The following CDC42BPA variants were observed in gnomAD, a reference collection of about 807,000 sequenced individuals.
The protein encoded by CDC42BPA is serine/threonine-protein kinase MRCK alpha.
Under a neutral mutation model 223.5 loss-of-function variants are expected in CDC42BPA, and 80 were observed. The ratio of observed to expected loss-of-function variants is 0.36; its 90% CI spans 0.30 to 0.43. CDC42BPA has a LOEUF of 0.43. Ranked by LOEUF, CDC42BPA falls within the 20% of genes least tolerant of loss-of-function variation. The pLI, the probability that CDC42BPA is intolerant of heterozygous loss-of-function variation, is 1.00. For synonymous variants in CDC42BPA, 694 were observed against 718.6 expected, an observed-to-expected ratio of 0.97 and a Z score of 0.55; for missense variants, 1,743 against 2,099.9, an observed-to-expected ratio of 0.83 and a Z score of 3.32.
At chr1:227,057,619 CT>C (rs759230616) in intron 21 of CDC42BPA, among the ~76,000 whole-genome samples, 1 of 152,024 alleles carries the variant, frequency 6.6e-6, no homozygotes, top group Non-Finnish European at 1.5e-5. Flanking sequence ...CAGTGGCTGA[CT>C]TTTTTTGTGA....
At position 227,114,244 on chromosome 1, in the gene CDC42BPA, C is replaced by T. The variant is rs181577799; in HGVS notation, c.1648-1331G>A. ...ACCTATTCCCCATCCTCAAATAAGG[C>T]GGGGAGGAGGAAAATTAGACTAAGA... On this transcript the variant is annotated intron_variant, in intron 12 of 36. Coordinates refer to ENST00000366766, the MANE Select transcript of CDC42BPA (RefSeq NM_001394014.1). 1.5e-4 allele frequency among the ~76,000 whole-genome samples: 23 copies of T among 151,740 alleles called. 1 individual carries two copies. Among genetic ancestry groups the T allele is most frequent in the South Asian group, 4.2e-4 (2 of 4,790 alleles).
intron 14 of CDC42BPA, among the ~76,000 whole-genome samples, 173 bp from the exon 15 acceptor site, chr1:227,101,412 AT>A (rs35736619): frequency 0.15 from 23,474 of 152,048 alleles, 2,196 homozygotes; most frequent in African/African-American, 0.25. Context: ...TATTGCAAAT[AT>A]TTTCCTCAGT....
At chr1:227,306,680 T>C (rs551933138) in intron 1 of CDC42BPA, among the ~76,000 whole-genome samples, 2 of 152,350 alleles carry the variant, frequency 1.3e-5, no homozygotes, top group African/African-American at 2.4e-5. Flanking sequence ...CTTCACTACA[T>C]ACCCGAACTT....
In CDC42BPA at chr1:227,080,876, T is replaced by C. The variant is rs757234967; in HGVS notation, c.2480+17A>G. On this transcript the variant is annotated intron_variant, in intron 17 of 36. Coordinates refer to ENST00000366766, the MANE Select transcript of CDC42BPA (RefSeq NM_001394014.1). ...ACTCACAATCATCCACAAAAAAACG[T>C]TTAAAAGAGCACTCACCACTGAATT... The C allele has an allele frequency of 6.2e-7, 1 of 1,612,834 alleles. No homozygotes were observed. Among genetic ancestry groups the C allele is most frequent in the South Asian group, 1.1e-5 (1 of 91,050 alleles).
chr1:227,310,735 G>A (rs1243231631), intron 1 of CDC42BPA, among the ~76,000 whole-genome samples: 6 of 148,192 alleles, frequency 4.0e-5, no homozygotes. Context: ...CGCCCAGACT[G>A]GAGTGCAGTG....
rs200154961 is a variant in CDC42BPA, at chr1:227,073,983, C to T, written c.2616G>A (p.Ala872=). The change falls in exon 19 of 37, where the codon GCG becomes GCA. Residue 872 remains alanine, a synonymous_variant. Transcript: ENST00000366766. ...CCAGTCTAGCTGACATATCCAGTTT[C>T]GCAAAACGACGCATTTTCCAGGGCA... ...TDMPWKMRRF[A]KLDMSARLEL... is the part of the protein sequence containing the mutation. 1.9e-5 allele frequency: 31 copies of T among 1,611,972 alleles called. No individual in the cohort carries two copies. The highest frequency in any genetic ancestry group is 1.5e-4 in the Admixed American group (9 of 59,426).
intron 21 of CDC42BPA, chr1:227,059,407 G>T: frequency 6.4e-7 from 1 of 1,562,898 alleles, no homozygotes; most frequent in African/African-American, 1.4e-5. Context: ...ACAGGATGGA[G>T]AGCGCTTCAA....
At chr1:227,067,443 A>C (rs994550818) in intron 21 of CDC42BPA, among the ~76,000 whole-genome samples, 1 of 152,232 alleles carries the variant, frequency 6.6e-6, no homozygotes, top group Non-Finnish European at 1.5e-5. Flanking sequence ...TGGAAAGAAC[A>C]ACCAAAATAA....
At chr1:227,107,711 T>C (rs1425104799) in intron 14 of CDC42BPA, among the ~76,000 whole-genome samples, 1 of 151,984 alleles carries the variant, frequency 6.6e-6, no homozygotes, top group Non-Finnish European at 1.5e-5. Context: ...TGGAGTGGGG[T>C]TGTGGAGTGC....
At chr1:227,254,628 G>T (rs1340072066) in intron 1 of CDC42BPA, among the ~76,000 whole-genome samples, 1 of 152,142 alleles carries the variant, frequency 6.6e-6, no homozygotes, top group East Asian at 1.9e-4. Context: ...ACAAAGCATG[G>T]TGGCAATGAC....
chr1:227,152,593 T>C (rs1661994938), intron 6 of CDC42BPA, among the ~76,000 whole-genome samples: 1 of 152,024 alleles, frequency 6.6e-6, no homozygotes, highest in East Asian at 1.9e-4. Flanking sequence ...CTAAACTTGA[T>C]CAAGTCAACA....
chr1:227,191,943 A>C, intron 5 of CDC42BPA, among the ~76,000 whole-genome samples: 1 of 143,086 alleles, frequency 7.0e-6, no homozygotes, highest in East Asian at 2.0e-4. Flanking sequence ...ACACAGTGAG[A>C]CCCCCATCTC....
intron 21 of CDC42BPA, among the ~76,000 whole-genome samples, chr1:227,065,491 T>A (rs1201160979): frequency 6.6e-6 from 1 of 152,224 alleles, no homozygotes; most frequent in Admixed American, 6.5e-5. Flanking sequence ...TCTTCAAAGC[T>A]ACTCTTACAC....
chr1:227,078,087 T>G (rs1449309774), intron 17 of CDC42BPA, among the ~76,000 whole-genome samples: 2 of 152,188 alleles, frequency 1.3e-5, no homozygotes, highest in Non-Finnish European at 2.9e-5. Flanking sequence ...GACAACTGTG[T>G]TGCAGTAACT....
intron 1 of CDC42BPA, among the ~76,000 whole-genome samples, chr1:227,263,370 A>C (rs1480589270): frequency 6.6e-6 from 1 of 152,178 alleles, no homozygotes; most frequent in East Asian, 1.9e-4. Context: ...ACAACTGGAA[A>C]TTTATTTCAG....
At chr1:227,111,813 C>T (rs1345018586) in intron 14 of CDC42BPA, among the ~76,000 whole-genome samples, 1 of 152,170 alleles carries the variant, frequency 6.6e-6, no homozygotes, top group Admixed American at 6.5e-5. Context: ...TTACATGTTA[C>T]ACAGCAAGTA....
chr1:227,299,328 A>C (rs1691239901), intron 1 of CDC42BPA, among the ~76,000 whole-genome samples: 1 of 152,200 alleles, frequency 6.6e-6, no homozygotes, highest in South Asian at 2.1e-4. Context: ...CTGAAACATA[A>C]ATGAGAAACA....
rs1444661700 is a variant in CDC42BPA at position 227,034,794 on chromosome 1, T to C, written c.3337A>G (p.Ile1113Val). ...TTCTTCACTCCAGCTGGCTTAGGAATCTTAGTTTTGTTTTAGACAGACAAA... is the reference window on the plus strand; with the variant it reads ...TTCTTCACTCCAGCTGGCTTAGGAACCTTAGTTTTGTTTTAGACAGACAAA... The part of the protein sequence containing the change: ...IGTAYEGHVR[I>V]PKPAGVKKGW... Residue 1113 changes from isoleucine to valine, a missense_variant and splice_region_variant, in exon 26 of 37, where the codon ATT becomes GTT. By Grantham distance (29) the Ile-to-Val change is conservative (BLOSUM62 3). Around this residue, in one of 6 missense-constraint regions of CDC42BPA, gnomAD observed 678 missense variants for 777.5 expected, o/e 0.87. Coordinates refer to ENST00000366766, the MANE Select transcript of CDC42BPA (RefSeq NM_001394014.1). The C allele has an allele frequency of 6.5e-7, 1 of 1,538,582 alleles. No individual in the cohort carries two copies. Among genetic ancestry groups the C allele is most frequent in the Non-Finnish European group, 8.7e-7 (1 of 1,152,244 alleles).
chr1:227,232,248 C>G (rs1307104796), intron 2 of CDC42BPA, among the ~76,000 whole-genome samples: 1 of 152,058 alleles, frequency 6.6e-6, no homozygotes, highest in Non-Finnish European at 1.5e-5. Flanking sequence ...GAATCCTTTC[C>G]CCATTTCTTG....
Sources: gnomAD v4.1 joint callset for allele counts (sites outside exome capture counted in the v4.1 genomes callset) on GRCh38, gnomAD v4.1.1 for gene constraint, gnomAD v4.1.1 regional missense constraint, MANE v1.5 for transcripts, NCBI Gene and HGNC (gene_info 2026-07-23, HGNC 2026-07-21) for gene names.